The following CACNA2D3 variants were observed in gnomAD, a reference collection of about 807,000 sequenced individuals.
CACNA2D3 encodes the protein voltage-dependent calcium channel subunit alpha-2/delta-3.
Under a neutral mutation model 160.6 loss-of-function variants are expected in CACNA2D3, and 60 were observed. The observed-to-expected ratio is 0.37, with a 90% CI of 0.30 to 0.46. The LOEUF (loss-of-function observed/expected upper bound fraction) is 0.46, where lower values mean the gene tolerates loss of function less well. Ranked by LOEUF, CACNA2D3 falls within the 20% of genes least tolerant of loss-of-function variation. CACNA2D3 has a pLI of 1.00. For missense variants in CACNA2D3, 1,205 were observed against 1,365.0 expected, an observed-to-expected ratio of 0.88 and a Z score of 1.85; for synonymous variants, 558 against 492.9, an observed-to-expected ratio of 1.13 and a Z score of -1.75.
chr3:54,646,180 CTCCCTCCT>C lies in CACNA2D3; in HGVS notation c.1167+3943_1167+3950del, dbSNP rs1197284908. Among the ~76,000 whole-genome samples the C allele has an allele frequency of 1.6e-3, 49 of 30,152 alleles. 3 individuals are homozygous for C. Among genetic ancestry groups the C allele is most frequent in the African/African-American group, 6.4e-3 (48 of 7,474 alleles). The allele number at this position is 30,152 out of a possible 152,430, so 19.8% of individuals were successfully genotyped here. A position where few individuals can be genotyped will look rare whatever the true frequency, so the allele number is the denominator to read the frequency against. Reference sequence around the variant, plus strand: ...CCTCCCTCCCTCCCTCCCTCCCTCCCTCCCTCCTTCCTTGCTTCCTTCCTTCCTTCCTT... The same window carrying C: ...CCTCCCTCCCTCCCTCCCTCCCTCCCTCCTTGCTTCCTTCCTTCCTTCCTT... On this transcript the variant is annotated intron_variant, in intron 11 of 37. Transcript: ENST00000474759.
intron 2 of CACNA2D3, among the ~76,000 whole-genome samples, chr3:54,243,577 T>C (rs188545058): frequency 1.8e-3 from 270 of 152,306 alleles, no homozygotes; most frequent in East Asian, 0.012. Flanking sequence ...CTGAAGCATT[T>C]GATAGTTCTT....
rs145794837 is a variant in CACNA2D3, at chr3:54,501,267, T to C, written c.382-2225T>C. On this transcript the variant is annotated intron_variant, in intron 4 of 37. Transcript: ENST00000474759. ...CCACATTCCTCCCTCCGGTTTCTTA[T>C]AACACTGCTATTATTCATTTCACTT... Among the ~76,000 whole-genome samples, 996 of 152,334 alleles carry C rather than the reference T, an allele frequency of 6.5e-3. 10 individuals are homozygous for C. The highest frequency in any genetic ancestry group is 0.023 in the African/African-American group (953 of 41,566).
chr3:54,684,633 G>A (rs1427098668), intron 11 of CACNA2D3, among the ~76,000 whole-genome samples: 4 of 152,170 alleles, frequency 2.6e-5, no homozygotes, highest in African/African-American at 7.2e-5. Context: ...CCTTGGTGCA[G>A]TTTGAATAGA....
At chr3:54,269,001 T>C (rs1251837870) in intron 2 of CACNA2D3, among the ~76,000 whole-genome samples, 1 of 152,162 alleles carries the variant, frequency 6.6e-6, no homozygotes, top group Non-Finnish European at 1.5e-5. Context: ...CTCTCCTTGT[T>C]ATTTTTGGGC....
chr3:54,264,165 G>T (rs1039416948), intron 2 of CACNA2D3, among the ~76,000 whole-genome samples: 16 of 152,176 alleles, frequency 1.1e-4, no homozygotes, highest in African/African-American at 3.9e-4. Context: ...TGCCCACCCA[G>T]ATGTGGTGGG....
At chr3:55,023,461 A>G (rs1225647683) in intron 35 of CACNA2D3, among the ~76,000 whole-genome samples, 1 of 152,116 alleles carries the variant, frequency 6.6e-6, no homozygotes, top group Non-Finnish European at 1.5e-5. Context: ...TCTTTTATAC[A>G]GTCTTATTCT....
chr3:54,690,955 T>C (rs1377681853), intron 11 of CACNA2D3, among the ~76,000 whole-genome samples: 1 of 152,154 alleles, frequency 6.6e-6, no homozygotes, highest in Non-Finnish European at 1.5e-5. Context: ...TATTCTATTA[T>C]TCTATTTTAT....
intron 37 of CACNA2D3, 45 bp from the exon 38 acceptor site, chr3:55,074,069 C>T: frequency 6.6e-7 from 1 of 1,505,182 alleles, no homozygotes; most frequent in Non-Finnish European, 9.3e-7. Flanking sequence ...TTGAAGGTGT[C>T]CTGGAGTCTA....
chr3:54,145,684 A>G (rs725991), intron 2 of CACNA2D3, among the ~76,000 whole-genome samples: 4 of 152,110 alleles, frequency 2.6e-5, no homozygotes. Context: ...CACCCAGTGC[A>G]GGGCGCAGCA....
chr3:54,502,804 C>T (rs1043651220), intron 4 of CACNA2D3, among the ~76,000 whole-genome samples: 1 of 152,200 alleles, frequency 6.6e-6, no homozygotes, highest in Non-Finnish European at 1.5e-5. Flanking sequence ...GATGAGTTAA[C>T]ACATGAAAAG....
intron 11 of CACNA2D3, among the ~76,000 whole-genome samples, chr3:54,686,203 C>T (rs527552428): frequency 4.5e-4 from 69 of 152,314 alleles, no homozygotes; most frequent in African/African-American, 1.6e-3. Flanking sequence ...CAGCCATGCC[C>T]ATTCATTTAC....
At chr3:54,296,059 G>A (rs6445640) in intron 2 of CACNA2D3, among the ~76,000 whole-genome samples, 2 of 152,072 alleles carry the variant, frequency 1.3e-5, no homozygotes, top group Admixed American at 6.5e-5. Context: ...GGCTGTGTCC[G>A]CCTTTGCCCA....
chr3:54,691,166 AT>A (rs1700563387), intron 11 of CACNA2D3, among the ~76,000 whole-genome samples: 1 of 152,170 alleles, frequency 6.6e-6, no homozygotes, highest in African/African-American at 2.4e-5. Context: ...ACCACCCATG[AT>A]GGCTCACCCC....
chr3:54,554,644 A>ATCTGGC (rs1575342631), intron 5 of CACNA2D3, among the ~76,000 whole-genome samples: 2 of 152,084 alleles, frequency 1.3e-5, no homozygotes, highest in South Asian at 2.1e-4. Context: ...TCTGGCTTCT[A>ATCTGGC]CAGATGAAGG....
At chr3:54,373,914 C>G (rs1385911190) in intron 3 of CACNA2D3, among the ~76,000 whole-genome samples, 1 of 152,172 alleles carries the variant, frequency 6.6e-6, no homozygotes, top group Non-Finnish European at 1.5e-5. Flanking sequence ...TGTTTTATCC[C>G]AAACTTCCAT....
At chr3:54,179,489 G>C (rs539019731) in intron 2 of CACNA2D3, among the ~76,000 whole-genome samples, 122 of 152,316 alleles carry the variant, frequency 8.0e-4, no homozygotes, top group African/African-American at 2.9e-3. Flanking sequence ...ACGCCCTCAT[G>C]CCTCCTGCCC....
chr3:54,570,872 C>A lies in CACNA2D3; in HGVS notation c.888+768C>A, dbSNP rs117263677. 0.02 allele frequency among the ~76,000 whole-genome samples: 3,017 copies of A among 152,130 alleles called. 144 individuals are homozygous for A. The East Asian group carries it at 0.2, about 10-fold the overall frequency. ...TGTCAATGAAAAGAGGCAAACTCTG[C>A]AAAATATTTGAAGAGATTTATTCTG... On this transcript the variant is annotated intron_variant, in intron 8 of 37. Transcript: ENST00000474759.
chr3:54,362,259 C>T (rs1035577365), intron 3 of CACNA2D3, among the ~76,000 whole-genome samples: 2 of 152,158 alleles, frequency 1.3e-5, no homozygotes, highest in Non-Finnish European at 2.9e-5. Flanking sequence ...GGTCTTCTTC[C>T]AAGCTCCTTC....
chr3:54,877,168 TAG>T (rs1699681216), intron 18 of CACNA2D3: 1 of 152,150 alleles, frequency 6.6e-6, no homozygotes, highest in South Asian at 2.1e-4. Context: ...AAATAGGAGA[TAG>T]AGAGGGGCTC....
Sources: allele counts gnomAD v4.1 joint callset (sites outside exome capture counted in the v4.1 genomes callset), GRCh38; gene constraint gnomAD v4.1.1; transcripts MANE v1.5; gene names NCBI Gene and HGNC (gene_info 2026-07-23, HGNC 2026-07-21).